The following DLG2 variants were observed in gnomAD, a reference collection of about 807,000 sequenced individuals.
DLG2 encodes discs large MAGUK scaffold protein 2.
Under a neutral mutation model 132.5 loss-of-function variants are expected in DLG2, and 45 were observed. The ratio of observed to expected loss-of-function variants is 0.34; its 90% CI spans 0.27 to 0.44. DLG2 has a LOEUF of 0.44. Among genes scored for constraint, DLG2 ranks in the 20% least tolerant of loss-of-function variants. DLG2 has a pLI of 1.00. For missense variants in DLG2, 1,045 were observed against 1,196.9 expected (o/e 0.87, Z 1.87); for synonymous variants, 424 against 419.6 (o/e 1.01, Z -0.13).
At chr11:83,971,498 T>C (rs535847962) in intron 12 of DLG2, among the ~76,000 whole-genome samples, 87 of 151,896 alleles carry the variant, frequency 5.7e-4, no homozygotes, top group African/African-American at 1.4e-3. Context: ...AATACAAAGG[T>C]GGGAGGTGTG....
Position 85,468,435 on chromosome 11 carries a change from T to C in DLG2, c.40+130222A>G, listed in dbSNP as rs573678376. Among the ~76,000 whole-genome samples, 5 of 152,340 alleles carry C rather than the reference T, an allele frequency of 3.3e-5. No individual in the cohort carries two copies. The East Asian group carries it at 7.7e-4, about 24-fold the overall frequency. On this transcript the variant is annotated intron_variant, in intron 3 of 27. Coordinates refer to ENST00000376104, the MANE Select transcript of DLG2 (RefSeq NM_001142699.3). ...TCAATTTTAGATCTTTTCTGCTTTC[T>C]CTTGTGGGCATTTAGTGCTATAGAT...
chr11:83,699,092 T>C (rs1237545069), intron 18 of DLG2, among the ~76,000 whole-genome samples: 1 of 152,118 alleles, frequency 6.6e-6, no homozygotes. Flanking sequence ...TTATTACAAA[T>C]AACTGCTTCC....
chr11:85,230,729 T>C (rs1348193172), intron 4 of DLG2, among the ~76,000 whole-genome samples: 3 of 151,918 alleles, frequency 2.0e-5, no homozygotes, highest in African/African-American at 2.4e-5. Context: ...GGTTTGGATG[T>C]TTATTCCTCC....
intron 9 of DLG2, among the ~76,000 whole-genome samples, chr11:84,114,088 T>C (rs1251995372): frequency 6.6e-6 from 1 of 151,994 alleles, no homozygotes; most frequent in Non-Finnish European, 1.5e-5. Context: ...AAAATAAAAC[T>C]AGTTTTAATT....
intron 7 of DLG2, among the ~76,000 whole-genome samples, chr11:84,495,554 T>C (rs958577156): frequency 6.6e-6 from 1 of 152,220 alleles, no homozygotes; most frequent in Non-Finnish European, 1.5e-5. Context: ...CAGCCACTGC[T>C]ATGCCTTCAA....
At chr11:84,097,426 G>A (rs2097180551) in intron 10 of DLG2, among the ~76,000 whole-genome samples, 1 of 151,950 alleles carries the variant, frequency 6.6e-6, no homozygotes, top group South Asian at 2.1e-4. Flanking sequence ...TACCCTTGAC[G>A]TTTTCTCTCA....
At chr11:84,985,860 C>T (rs755070347) in intron 6 of DLG2, among the ~76,000 whole-genome samples, 17 of 151,424 alleles carry the variant, frequency 1.1e-4, no homozygotes, top group Non-Finnish European at 1.9e-4. Context: ...GGCATGATGG[C>T]GGGTGCCTGT....
intron 7 of DLG2, among the ~76,000 whole-genome samples, chr11:84,287,673 T>C (rs2097923533): frequency 6.6e-6 from 1 of 151,512 alleles, no homozygotes; most frequent in Admixed American, 6.6e-5. Context: ...TCCCTCCATC[T>C]CTCCTTTCTT....
At chr11:85,223,580 A>G (rs1255581755) in intron 4 of DLG2, among the ~76,000 whole-genome samples, 1 of 152,154 alleles carries the variant, frequency 6.6e-6, no homozygotes, top group Admixed American at 6.6e-5. Context: ...AAGAGGTTGC[A>G]GTGAACTGAA....
At chr11:83,845,103 A>T (rs758159144) in intron 16 of DLG2, among the ~76,000 whole-genome samples, 1 of 152,070 alleles carries the variant, frequency 6.6e-6, no homozygotes, top group African/African-American at 2.4e-5. Context: ...ATCTAGTATA[A>T]CGACAACCCA....
At chr11:84,565,155 T>C (rs952064421) in intron 6 of DLG2, among the ~76,000 whole-genome samples, 4 of 152,062 alleles carry the variant, frequency 2.6e-5, no homozygotes, top group Non-Finnish European at 5.9e-5. Context: ...TAAAAGAACA[T>C]GTAAGTGACC....
chr11:85,387,609 T>C (rs529901607), intron 3 of DLG2, among the ~76,000 whole-genome samples: 2 of 152,338 alleles, frequency 1.3e-5, no homozygotes, highest in South Asian at 4.1e-4. Flanking sequence ...CAGCTGTCAG[T>C]AAGTCAAATA....
intron 18 of DLG2, among the ~76,000 whole-genome samples, chr11:83,711,146 G>C (rs1046327742): frequency 7.2e-5 from 11 of 152,160 alleles, no homozygotes; most frequent in African/African-American, 2.7e-4. Context: ...TTCAAAATCA[G>C]ATACACATTC....
chr11:83,929,391 G>T (rs974285038), intron 15 of DLG2, among the ~76,000 whole-genome samples: 2 of 152,038 alleles, frequency 1.3e-5, no homozygotes, highest in Admixed American at 1.3e-4. Flanking sequence ...CATTACAATT[G>T]GGATCTCTGT....
chr11:85,010,661 T>C (rs764798033), intron 6 of DLG2, among the ~76,000 whole-genome samples: 4 of 152,148 alleles, frequency 2.6e-5, no homozygotes, highest in African/African-American at 9.7e-5. Context: ...AGATCTAACA[T>C]TGACTCAAGT....
chr11:84,866,607 C>G (rs1273506499), intron 6 of DLG2, among the ~76,000 whole-genome samples: 1 of 152,168 alleles, frequency 6.6e-6, no homozygotes, highest in Non-Finnish European at 1.5e-5. Flanking sequence ...CTTCACTGAA[C>G]TACACTGTTC....
In DLG2 at chr11:85,537,795, AC is replaced by A. The variant is rs1212567427; in HGVS notation, c.40+60861del. Among the ~76,000 whole-genome samples the A allele has an allele frequency of 1.3e-5, 2 of 151,986 alleles. 1 individual carries two copies. The highest frequency in any genetic ancestry group is 4.8e-5 in the African/African-American group (2 of 41,252). On this transcript the variant is annotated intron_variant, in intron 3 of 27. Transcript: ENST00000376104. ...TGGACACATCTGAACATCTGAAGGAACAAACTGCGGACACATCATCTTTAAG... is the reference window on the plus strand; with the variant it reads ...TGGACACATCTGAACATCTGAAGGAAAAACTGCGGACACATCATCTTTAAG...
At chr11:83,518,898 A>C (rs2095389787) in intron 21 of DLG2, among the ~76,000 whole-genome samples, 1 of 152,202 alleles carries the variant, frequency 6.6e-6, no homozygotes, top group Admixed American at 6.5e-5. Flanking sequence ...TTAAAATAGC[A>C]AATTCAGTGT....
chr11:85,126,453 A>C (rs2075124661), intron 5 of DLG2, among the ~76,000 whole-genome samples: 1 of 152,224 alleles, frequency 6.6e-6, no homozygotes, highest in Admixed American at 6.5e-5. Flanking sequence ...TAATGGCATT[A>C]GTATTTCATA....
Sources: gnomAD v4.1 joint callset for allele counts (sites outside exome capture counted in the v4.1 genomes callset) on GRCh38, gnomAD v4.1.1 for gene constraint, MANE v1.5 for transcripts, NCBI Gene and HGNC (gene_info 2026-07-23, HGNC 2026-07-21) for gene names.